CMIP: variants seen among roughly 807,000 people sequenced by gnomAD.
The protein encoded by CMIP is c-Maf inducing protein, also known as C-Maf-inducing protein.
In CMIP, 13 loss-of-function variants were observed where a neutral mutation model predicts 97.3. The observed-to-expected ratio is 0.13, with a 90% CI of 0.09 to 0.21. The LOEUF (loss-of-function observed/expected upper bound fraction) is 0.21. Ranked by LOEUF, CMIP falls within the 10% of genes least tolerant of loss-of-function variation. The pLI is 1.00. For missense variants in CMIP, 847 were observed against 1,024.9 expected (o/e 0.83, Z 2.37); for synonymous variants, 538 against 436.3 (o/e 1.23, Z -2.91).
At chr16:81,498,648 A>C (rs1455866699) in intron 1 of CMIP, among the ~76,000 whole-genome samples, 2 of 152,106 alleles carry the variant, frequency 1.3e-5, no homozygotes, top group Admixed American at 1.3e-4. Flanking sequence ...TGCATACCCC[A>C]CGAGCACACA....
chr16:81,500,328 TCTG>T (rs2089581085), intron 1 of CMIP, among the ~76,000 whole-genome samples: 2 of 64,074 alleles, frequency 3.1e-5, no homozygotes, highest in Non-Finnish European at 6.3e-5. Flanking sequence ...CCTGCCTCCC[TCTG>T]TCCCTCCCTC....
chr16:81,479,348 A>G (rs375196103), intron 1 of CMIP, among the ~76,000 whole-genome samples: 5 of 152,176 alleles, frequency 3.3e-5, no homozygotes, highest in African/African-American at 1.2e-4. Context: ...AAATGGTGAT[A>G]AAATACACGT....
intron 1 of CMIP, among the ~76,000 whole-genome samples, chr16:81,463,224 C>G (rs1906995934): frequency 6.6e-6 from 1 of 152,182 alleles, no homozygotes; most frequent in South Asian, 2.1e-4. Context: ...CCCCAATAAA[C>G]AAGTTTCCTC....
chr16:81,477,830 C>A (rs1908022319), intron 1 of CMIP, among the ~76,000 whole-genome samples: 3 of 152,186 alleles, frequency 2.0e-5, no homozygotes, highest in Admixed American at 2.0e-4. Context: ...GCCTGCCTTC[C>A]AGTTAGTGGG....
chr16:81,549,470 C>T (rs943430964), intron 1 of CMIP, among the ~76,000 whole-genome samples: 1 of 152,068 alleles, frequency 6.6e-6, no homozygotes, highest in Non-Finnish European at 1.5e-5. Flanking sequence ...CCTTGCTAGC[C>T]CTGGAGTGCT....
chr16:81,576,233 G>A (rs753789888), intron 1 of CMIP, among the ~76,000 whole-genome samples: 2 of 152,042 alleles, frequency 1.3e-5, no homozygotes, highest in Admixed American at 6.5e-5. Context: ...GTGAAACCCC[G>A]TCTCTACTAA....
chr16:81,590,506 G>A (rs1425457478), intron 1 of CMIP, among the ~76,000 whole-genome samples: 1 of 152,224 alleles, frequency 6.6e-6, no homozygotes, highest in East Asian at 1.9e-4. Context: ...GTCCCTGGGA[G>A]AGAAAACCCA....
At chr16:81,574,740 C>T (rs1337822682) in intron 1 of CMIP, among the ~76,000 whole-genome samples, 2 of 152,206 alleles carry the variant, frequency 1.3e-5, no homozygotes, top group Middle Eastern at 3.4e-3. Context: ...CCTCTGTGGA[C>T]AGGTCACCAT....
intron 1 of CMIP, among the ~76,000 whole-genome samples, chr16:81,570,840 C>G (rs375411088): frequency 6.6e-6 from 1 of 152,120 alleles, no homozygotes; most frequent in Non-Finnish European, 1.5e-5. Context: ...ACCTCTGTTT[C>G]CAGAGCCCTC....
intron 1 of CMIP, among the ~76,000 whole-genome samples, chr16:81,490,135 G>T (rs189095505): frequency 6.6e-6 from 1 of 152,198 alleles, no homozygotes; most frequent in Admixed American, 6.5e-5. Flanking sequence ...GCTGTAAGAG[G>T]TTAGGTGTAG....
At chr16:81,668,955 C>T (rs1452080731) in intron 7 of CMIP, among the ~76,000 whole-genome samples, 1 of 148,154 alleles carries the variant, frequency 6.7e-6, no homozygotes, top group Non-Finnish European at 1.5e-5. Context: ...TCACACCTTC[C>T]ACACCCACCT....
At position 81,652,497 on chromosome 16, in the gene CMIP, G is replaced by A; in HGVS notation, c.639+133G>A. The A allele has an allele frequency of 1.3e-6, 1 of 768,750 alleles. No individual in the cohort carries two copies. Among genetic ancestry groups the A allele is most frequent in the Admixed American group, 2.8e-5 (1 of 35,646 alleles). The allele number at this position is 768,750 out of a possible 1,614,324, so 47.6% of individuals were successfully genotyped here. On this transcript the variant is annotated intron_variant, in intron 4 of 20. Coordinates refer to ENST00000537098, the MANE Select transcript of CMIP (RefSeq NM_198390.3). The surrounding 1 kb of genome is among the most constrained non-coding windows in gnomAD (Gnocchi z 5.2). ...GTTGCCCTGCTGCCGAAGGAGGTGA[G>A]CAGTTGCCCACCCAGCCGTGTGTGG...
chr16:81,678,365 C>A lies in CMIP; in HGVS notation c.1125C>A (p.His375Gln), dbSNP rs546995031. ...CCACTTTACCTCTGCGCCTTCTGCA[C>A]CCCAGCCCGGACCTGGTGTCTCAGG... ...RKPTLPLRLL[H>Q]PSPDLVSQEA... The change falls in exon 10 of 21, where the codon CAC becomes CAA. Residue 375 changes from histidine (H) to glutamine (Q), a missense_variant. By Grantham distance (24) the His-to-Gln change is conservative (BLOSUM62 0). Transcript: ENST00000537098. 2 of 1,613,024 alleles carry A rather than the reference C, an allele frequency of 1.2e-6. No individual in the cohort carries two copies. Among genetic ancestry groups the A allele is most frequent in the Non-Finnish European group, 1.7e-6 (2 of 1,179,570 alleles).
At chr16:81,510,934 G>C (rs2089799017) in intron 1 of CMIP, among the ~76,000 whole-genome samples, 2 of 152,134 alleles carry the variant, frequency 1.3e-5, no homozygotes, top group African/African-American at 4.8e-5. Flanking sequence ...TGGTCAGTCT[G>C]GTCTTGAACT....
At chr16:81,577,903 A>T (rs1416679255) in intron 1 of CMIP, among the ~76,000 whole-genome samples, 1 of 149,902 alleles carries the variant, frequency 6.7e-6, no homozygotes, top group African/African-American at 2.5e-5. Context: ...CTACGCTATT[A>T]TCACTGTCAC....
intron 1 of CMIP, among the ~76,000 whole-genome samples, chr16:81,572,918 G>T (rs1353831092): frequency 1.3e-5 from 2 of 152,160 alleles, no homozygotes; most frequent in African/African-American, 4.8e-5. Context: ...CTCCATGATT[G>T]GTCCCTGCCT....
chr16:81,448,621 C>G (rs896252005), intron 1 of CMIP, among the ~76,000 whole-genome samples: 3 of 152,244 alleles, frequency 2.0e-5, no homozygotes, highest in African/African-American at 7.2e-5. Flanking sequence ...TCTCCTGGGC[C>G]AGTTACTGAT....
At chr16:81,642,693 C>T (rs1281248070) in intron 3 of CMIP, among the ~76,000 whole-genome samples, 2 of 152,076 alleles carry the variant, frequency 1.3e-5, no homozygotes, top group Non-Finnish European at 1.5e-5. Context: ...GTCAGGAGTT[C>T]GAGACCAGCC....
intron 1 of CMIP, among the ~76,000 whole-genome samples, chr16:81,571,520 G>C (rs1391783245): frequency 6.7e-6 from 1 of 148,822 alleles, no homozygotes. Flanking sequence ...CAGCATTTTG[G>C]GAGGCCCAGA....
Sources: gnomAD v4.1 joint callset for allele counts (sites outside exome capture counted in the v4.1 genomes callset) on GRCh38, gnomAD v4.1.1 for gene constraint, Gnocchi (gnomAD v3.1) non-coding constraint, MANE v1.5 for transcripts, NCBI Gene and HGNC (gene_info 2026-07-23, HGNC 2026-07-21) for gene names.